STXBP5L: variants seen among roughly 807,000 people sequenced by gnomAD.
The protein encoded by STXBP5L is syntaxin binding protein 5L.
A neutral mutation model predicts 144.5 loss-of-function variants in STXBP5L; 65 were observed. The ratio of observed to expected loss-of-function variants is 0.45; its 90% CI spans 0.37 to 0.55. STXBP5L has a LOEUF of 0.55. Ranked by LOEUF, STXBP5L falls within the 20% of genes least tolerant of loss-of-function variation. STXBP5L has a pLI of 0.00. For synonymous variants in STXBP5L, 505 were observed against 469.6 expected, an observed-to-expected ratio of 1.08 and a Z score of -0.97; for missense variants, 1,298 against 1,405.5, an observed-to-expected ratio of 0.92 and a Z score of 1.22.
intron 2 of STXBP5L, among the ~76,000 whole-genome samples, chr3:120,952,354 A>T (rs1316522708): frequency 6.6e-6 from 1 of 152,058 alleles, no homozygotes; most frequent in Admixed American, 6.6e-5. Context: ...TTAAAAGAAT[A>T]TTGTGTAGTT....
intron 20 of STXBP5L, among the ~76,000 whole-genome samples, chr3:121,365,850 G>T (rs376812831): frequency 3.3e-5 from 5 of 151,470 alleles, no homozygotes; most frequent in African/African-American, 9.7e-5. Flanking sequence ...GAGTTGTAAA[G>T]TTAGGTTGTT....
At chr3:121,140,995 T>C (rs1002841582) in intron 7 of STXBP5L, among the ~76,000 whole-genome samples, 2 of 152,130 alleles carry the variant, frequency 1.3e-5, no homozygotes, top group African/African-American at 4.8e-5. Flanking sequence ...GTGTTATATG[T>C]GATAAAAACA....
In STXBP5L at chr3:121,318,379, A is replaced by T. The variant is rs997517390; in HGVS notation, c.2111-96A>T. The T allele has an allele frequency of 1.6e-4, 118 of 750,992 alleles. 3 individuals carry two copies. Among genetic ancestry groups the T allele is most frequent in the African/African-American group, 8.9e-4 (47 of 52,736 alleles). 46.5% of individuals were successfully genotyped at this position (750,992 alleles called of 1,614,324 possible). ...GGACATGATAAAGTAGTTTTCACAT[A>T]AAAAAAAGCCTTTTAAACTTGTAGG... On this transcript the variant is annotated intron_variant, in intron 19 of 26. Coordinates refer to ENST00000471454, the MANE Select transcript of STXBP5L (RefSeq NM_001308330.2).
chr3:121,162,737 C>G (rs1000784091), intron 9 of STXBP5L, among the ~76,000 whole-genome samples: 2 of 152,082 alleles, frequency 1.3e-5, no homozygotes, highest in African/African-American at 4.8e-5. Flanking sequence ...AAAAATCAAA[C>G]AACCCCATCA....
intron 5 of STXBP5L, among the ~76,000 whole-genome samples, chr3:121,110,820 GT>G (rs1306357343): frequency 2.0e-5 from 3 of 152,118 alleles, no homozygotes; most frequent in Admixed American, 2.0e-4. Flanking sequence ...CTTGAAGTAC[GT>G]TTTCCAACTT....
At chr3:120,994,958 A>G (rs73187407) in intron 3 of STXBP5L, among the ~76,000 whole-genome samples, 6,048 of 151,878 alleles carry the variant, frequency 0.04, 170 homozygotes, top group Middle Eastern at 0.082. Context: ...GTTATCCATT[A>G]TTGGCTGTCC....
chr3:121,120,209 G>C (rs1369005053), intron 6 of STXBP5L, among the ~76,000 whole-genome samples: 2 of 151,196 alleles, frequency 1.3e-5, no homozygotes, highest in African/African-American at 2.4e-5. Context: ...ATCAAACCAA[G>C]AGACGGAGAG....
intron 20 of STXBP5L, among the ~76,000 whole-genome samples, chr3:121,368,710 C>T (rs1242842608): frequency 6.6e-6 from 1 of 152,022 alleles, no homozygotes; most frequent in Non-Finnish European, 1.5e-5. Context: ...AAGGACTGGT[C>T]TGGGGTGTAA....
chr3:121,053,229 T>C (rs1438270002), intron 5 of STXBP5L, among the ~76,000 whole-genome samples: 2 of 152,020 alleles, frequency 1.3e-5, no homozygotes, highest in South Asian at 4.2e-4. Context: ...CTTCACAGAA[T>C]TGGAAAAAAC....
chr3:120,991,140 A>C (rs1942817082), intron 3 of STXBP5L, among the ~76,000 whole-genome samples: 1 of 152,024 alleles, frequency 6.6e-6, no homozygotes, highest in Non-Finnish European at 1.5e-5. Flanking sequence ...ACAAGAAACA[A>C]ACAAACAACC....
chr3:121,016,126 G>A (rs1458934364), intron 3 of STXBP5L, among the ~76,000 whole-genome samples: 1 of 152,064 alleles, frequency 6.6e-6, no homozygotes, highest in Non-Finnish European at 1.5e-5. Context: ...ACAGATTAAC[G>A]TAAATACTCT....
intron 22 of STXBP5L, among the ~76,000 whole-genome samples, chr3:121,383,927 G>A (rs992543465): frequency 7.2e-5 from 11 of 152,240 alleles, no homozygotes; most frequent in South Asian, 2.1e-4. Context: ...GGATTTAGGG[G>A]CATTTAGCAC....
chr3:120,981,391 T>C lies in STXBP5L; in HGVS notation c.287+26354T>C, dbSNP rs187229394. Among the ~76,000 whole-genome samples, 424 of 152,254 alleles carry C rather than the reference T, an allele frequency of 2.8e-3. 2 individuals carry two copies. The highest frequency in any genetic ancestry group is 0.024 in the Middle Eastern group (7 of 294). Reference sequence around the variant, plus strand: ...TTCTCAAAGGCTCTGCTCATTTTTATTCTTTAATTTTTTTTGTCTAACTGG... The same window carrying C: ...TTCTCAAAGGCTCTGCTCATTTTTACTCTTTAATTTTTTTTGTCTAACTGG... On this transcript the variant is annotated intron_variant, in intron 3 of 26. Transcript: ENST00000471454.
At chr3:121,190,160 CAT>C (rs2047582006) in intron 9 of STXBP5L, among the ~76,000 whole-genome samples, 1 of 152,036 alleles carries the variant, frequency 6.6e-6, no homozygotes, top group Admixed American at 6.6e-5. Context: ...AGCGGATAAA[CAT>C]GTGAACAAAG....
chr3:121,362,679 C>T (rs1211855015), intron 20 of STXBP5L, among the ~76,000 whole-genome samples: 1 of 152,116 alleles, frequency 6.6e-6, no homozygotes. Flanking sequence ...ATCTAAGAGT[C>T]ATGTCCTGGA....
intron 7 of STXBP5L, among the ~76,000 whole-genome samples, chr3:121,141,757 A>T (rs974108524): frequency 1.1e-4 from 16 of 152,130 alleles, no homozygotes; most frequent in African/African-American, 3.6e-4. Flanking sequence ...ACACACAAAG[A>T]ATGCCTAAGA....
chr3:121,097,952 C>A (rs374092647), intron 5 of STXBP5L, among the ~76,000 whole-genome samples: 1 of 152,002 alleles, frequency 6.6e-6, no homozygotes, highest in Non-Finnish European at 1.5e-5. Flanking sequence ...TAAAGCCAAG[C>A]AATACTCCCA....
At chr3:121,257,912 G>A (rs534299041) in intron 17 of STXBP5L, among the ~76,000 whole-genome samples, 2 of 152,154 alleles carry the variant, frequency 1.3e-5, no homozygotes, top group Admixed American at 6.5e-5. Flanking sequence ...GTGACAGTAA[G>A]ACCCTGTCTC....
chr3:121,008,336 G>C (rs886433171), intron 3 of STXBP5L, among the ~76,000 whole-genome samples: 3 of 151,850 alleles, frequency 2.0e-5, no homozygotes, highest in Non-Finnish European at 4.4e-5. Flanking sequence ...GGTAGCCTTA[G>C]GTTTACTGTA....
Sources: gnomAD v4.1 joint callset for allele counts (sites outside exome capture counted in the v4.1 genomes callset) on GRCh38, gnomAD v4.1.1 for gene constraint, MANE v1.5 for transcripts, NCBI Gene and HGNC (gene_info 2026-07-23, HGNC 2026-07-21) for gene names.